Variants in SEPTIN7 observed in about 807,000 individuals in gnomAD.
SEPTIN7 encodes the protein septin 7.
A neutral mutation model predicts 63.3 loss-of-function variants in SEPTIN7; 10 were observed. The observed-to-expected ratio is 0.16, with a 90% CI of 0.10 to 0.27. The LOEUF is 0.27. Among genes scored for constraint, SEPTIN7 ranks in the 10% least tolerant of loss-of-function variants. The pLI is 1.00. For missense variants in SEPTIN7, 310 were observed against 521.0 expected (o/e 0.59, Z 3.94); for synonymous variants, 131 against 165.3 (o/e 0.79, Z 1.59).
At chr7:35,852,273 C>G (rs946619383) in intron 3 of SEPTIN7, among the ~76,000 whole-genome samples, 1 of 151,978 alleles carries the variant, frequency 6.6e-6, no homozygotes, top group Non-Finnish European at 1.5e-5. Context: ...TGCCCAAGGT[C>G]ACAAGAAAAG....
At position 35,801,115 on chromosome 7, in the gene SEPTIN7, T is replaced by C; in HGVS notation, c.-95T>C. 9.6e-7 allele frequency: 1 copy of C among 1,040,250 alleles called. No individual in the cohort carries two copies. The highest frequency in any genetic ancestry group is 1.3e-6 in the Non-Finnish European group (1 of 749,520). 64.4% of individuals were successfully genotyped at this position (1,040,250 alleles called of 1,614,324 possible). On this transcript the variant is annotated 5_prime_UTR_variant, in exon 1 of 14. Coordinates refer to ENST00000350320, the MANE Select transcript of SEPTIN7 (RefSeq NM_001788.6). ...CTGTAGCGTGCGTAAGCAAGGCAGCTACGCCGGGCGGCTACGCTGCGGAAT... is the reference window on the plus strand; with the variant it reads ...CTGTAGCGTGCGTAAGCAAGGCAGCCACGCCGGGCGGCTACGCTGCGGAAT...
chr7:35,811,249 T>C (rs1788690129), intron 1 of SEPTIN7, among the ~76,000 whole-genome samples: 1 of 152,164 alleles, frequency 6.6e-6, no homozygotes, highest in Non-Finnish European at 1.5e-5. Context: ...CCTTATTTAT[T>C]ACATGTAACA....
intron 1 of SEPTIN7, among the ~76,000 whole-genome samples, chr7:35,826,430 G>A (rs1186856190): frequency 2.0e-5 from 3 of 150,516 alleles, no homozygotes; most frequent in Non-Finnish European, 4.4e-5. Flanking sequence ...TCCAAAGGGA[G>A]GCAGATTGGA....
At chr7:35,844,972 C>G (rs1264144176) in intron 3 of SEPTIN7, among the ~76,000 whole-genome samples, 1 of 151,944 alleles carries the variant, frequency 6.6e-6, no homozygotes, top group Non-Finnish European at 1.5e-5. Context: ...GTGTGTAATC[C>G]CAGCACTTTG....
chr7:35,914,231 A>G, the SEPTIN7 span, among the ~76,000 whole-genome samples: 1 of 152,244 alleles, frequency 6.6e-6, no homozygotes, highest in South Asian at 2.1e-4. Flanking sequence ...GCATATTTTA[A>G]TTATATAGGA....
chr7:35,852,566 G>C (rs915035578), intron 3 of SEPTIN7, among the ~76,000 whole-genome samples: 1 of 152,102 alleles, frequency 6.6e-6, no homozygotes, highest in African/African-American at 2.4e-5. Context: ...TATTTGTCAG[G>C]TGCTATATTT....
intron 7 of SEPTIN7, among the ~76,000 whole-genome samples, chr7:35,881,466 C>A (rs554828933): frequency 1.3e-5 from 2 of 150,838 alleles, no homozygotes; most frequent in South Asian, 4.2e-4. Context: ...TCATTTTTCT[C>A]GTCATCATGT....
intron 3 of SEPTIN7, among the ~76,000 whole-genome samples, chr7:35,858,545 G>C (rs1377463835): frequency 2.6e-5 from 4 of 152,066 alleles, no homozygotes; most frequent in Admixed American, 1.3e-4. Context: ...TAGTAGAGAC[G>C]TGGTTTCACA....
intron 1 of SEPTIN7, among the ~76,000 whole-genome samples, chr7:35,810,013 T>C (rs758862236): frequency 6.6e-6 from 1 of 152,158 alleles, no homozygotes; most frequent in Non-Finnish European, 1.5e-5. Flanking sequence ...GCTTTCTGAC[T>C]TGAGTGAATG....
At chr7:35,842,101 T>C (rs1784434994) in intron 3 of SEPTIN7, among the ~76,000 whole-genome samples, 1 of 152,230 alleles carries the variant, frequency 6.6e-6, no homozygotes, top group African/African-American at 2.4e-5. Context: ...TGAGTGTTTT[T>C]TGTATTATGA....
At chr7:35,828,676 C>G (rs138370664) in intron 1 of SEPTIN7, among the ~76,000 whole-genome samples, 1 of 152,288 alleles carries the variant, frequency 6.6e-6, no homozygotes, top group African/African-American at 2.4e-5. Flanking sequence ...CGTGCCCTGC[C>G]GACCTCCTGT....
chr7:35,847,137 A>C (rs1194788484), intron 3 of SEPTIN7: 4 of 174,940 alleles, frequency 2.3e-5, no homozygotes, highest in Non-Finnish European at 5.0e-5. Flanking sequence ...GGCCGTGTCC[A>C]GATTGGTGGC....
chr7:35,832,057 T>A, intron 2 of SEPTIN7: 1 of 452,714 alleles, frequency 2.2e-6, no homozygotes, highest in South Asian at 1.6e-5. Flanking sequence ...TCAGACTTAT[T>A]TACTACACCA....
chr7:35,827,079 AT>A (rs1783553897), intron 1 of SEPTIN7, among the ~76,000 whole-genome samples: 1 of 152,092 alleles, frequency 6.6e-6, no homozygotes, highest in African/African-American at 2.4e-5. Context: ...CCGTAGTTTG[AT>A]TTTTCTTAAC....
chr7:35,815,006 G>T (rs1333053718), intron 1 of SEPTIN7: 1 of 182,850 alleles, frequency 5.5e-6, no homozygotes, highest in Non-Finnish European at 1.1e-5. Flanking sequence ...AAAAAGCTGG[G>T]ATTCTGTTGT....
At chr7:35,914,957 C>A in the SEPTIN7 span, among the ~76,000 whole-genome samples, 1 of 151,752 alleles carries the variant, frequency 6.6e-6, no homozygotes, top group Non-Finnish European at 1.5e-5. Context: ...TCCATGCATA[C>A]CTACATATAT....
intron 13 of SEPTIN7, among the ~76,000 whole-genome samples, chr7:35,903,422 A>T (rs1402853672): frequency 6.6e-6 from 1 of 152,136 alleles, no homozygotes; most frequent in African/African-American, 2.4e-5. Context: ...TACATCTTTC[A>T]TGACTTAATA....
At chr7:35,808,547 C>G (rs965979555) in intron 1 of SEPTIN7, among the ~76,000 whole-genome samples, 1 of 152,180 alleles carries the variant, frequency 6.6e-6, no homozygotes, top group African/African-American at 2.4e-5. Flanking sequence ...TCTTACCATT[C>G]TGGAAGCTAG....
chr7:35,852,393 A>G (rs1416403924), intron 3 of SEPTIN7, among the ~76,000 whole-genome samples: 1 of 151,928 alleles, frequency 6.6e-6, no homozygotes. Flanking sequence ...CTTTCTTACA[A>G]TTATTGGTAC....
Sources: gnomAD v4.1 joint callset for allele counts (sites outside exome capture counted in the v4.1 genomes callset) on GRCh38, gnomAD v4.1.1 for gene constraint, MANE v1.5 for transcripts, NCBI Gene and HGNC (gene_info 2026-07-23, HGNC 2026-07-21) for gene names.